HS6ST3: variants seen among roughly 807,000 people sequenced by gnomAD.
HS6ST3 encodes heparan sulfate 6-O-sulfotransferase 3.
A neutral mutation model predicts 36.7 loss-of-function variants in HS6ST3; 12 were observed. The ratio of observed to expected loss-of-function variants is 0.33; its 90% confidence interval spans 0.21 to 0.53. HS6ST3 has a LOEUF of 0.53. Among genes scored for constraint, HS6ST3 ranks in the 20% least tolerant of loss-of-function variants. The pLI is 0.95. For synonymous variants in HS6ST3, 240 were observed against 257.5 expected (o/e 0.93, Z 0.65); for missense variants, 584 against 640.9 (o/e 0.91, Z 0.96).
intron 1 of HS6ST3, among the ~76,000 whole-genome samples, chr13:96,435,395 T>C (rs73554583): frequency 0.014 from 2,199 of 152,266 alleles, 67 homozygotes; most frequent in African/African-American, 0.05. Flanking sequence ...CCATGAAATG[T>C]GTCTTCAGTT....
chr13:96,355,855 T>C (rs568663758), intron 1 of HS6ST3, among the ~76,000 whole-genome samples: 1 of 151,592 alleles, frequency 6.6e-6, no homozygotes, highest in Admixed American at 6.6e-5. Flanking sequence ...AGAACTTCTT[T>C]CAAAACTGGA....
chr13:96,483,830 G>T (rs889366726), intron 1 of HS6ST3, among the ~76,000 whole-genome samples: 6 of 152,074 alleles, frequency 3.9e-5, no homozygotes, highest in African/African-American at 1.2e-4. Flanking sequence ...CAAACCCAAG[G>T]TCATCTAGGT....
intron 1 of HS6ST3, among the ~76,000 whole-genome samples, chr13:96,157,813 G>A (rs1231090588): frequency 7.2e-5 from 11 of 152,140 alleles, no homozygotes; most frequent in Non-Finnish European, 1.5e-5. Flanking sequence ...TTTCGAATGC[G>A]GATTCTATAT....
chr13:96,700,380 A>T (rs1875252970), intron 1 of HS6ST3, among the ~76,000 whole-genome samples: 1 of 152,140 alleles, frequency 6.6e-6, no homozygotes, highest in Admixed American at 6.5e-5. Flanking sequence ...ATCTCCCACC[A>T]GGTCCCTCCC....
chr13:96,209,913 T>A (rs2054390337), intron 1 of HS6ST3, among the ~76,000 whole-genome samples: 1 of 152,204 alleles, frequency 6.6e-6, no homozygotes, highest in South Asian at 2.1e-4. Context: ...CTTTGTCTAA[T>A]TATCACTGTC....
intron 1 of HS6ST3, among the ~76,000 whole-genome samples, chr13:96,637,295 G>A (rs1027994677): frequency 3.2e-4 from 48 of 152,070 alleles, no homozygotes; most frequent in African/African-American, 1.1e-3. Context: ...TATGTAAGGA[G>A]CATTTGTTAA....
chr13:96,132,967 A>G (rs1312480551), intron 1 of HS6ST3, among the ~76,000 whole-genome samples: 2 of 151,378 alleles, frequency 1.3e-5, no homozygotes, highest in Non-Finnish European at 2.9e-5. Flanking sequence ...TTTTTTTTTA[A>G]TCGGGTTATT....
At chr13:96,261,635 TC>T (rs963882947) in intron 1 of HS6ST3, among the ~76,000 whole-genome samples, 4 of 152,162 alleles carry the variant, frequency 2.6e-5, no homozygotes, top group Non-Finnish European at 5.9e-5. Context: ...TTTGCATGAG[TC>T]ACTCAATCTG....
intron 1 of HS6ST3, among the ~76,000 whole-genome samples, chr13:96,486,819 A>G (rs1239475595): frequency 2.0e-5 from 3 of 152,148 alleles, no homozygotes; most frequent in Admixed American, 2.0e-4. Context: ...AACAGCCTTG[A>G]TGTGACCTAT....
At chr13:96,781,492 G>A (rs1471053288) in intron 1 of HS6ST3, among the ~76,000 whole-genome samples, 2 of 152,220 alleles carry the variant, frequency 1.3e-5, no homozygotes, top group African/African-American at 4.8e-5. Context: ...AAAAGCTGTA[G>A]TGTATTCATG....
chr13:96,376,485 C>G (rs1037876935), intron 1 of HS6ST3, among the ~76,000 whole-genome samples: 1 of 152,132 alleles, frequency 6.6e-6, no homozygotes, highest in Non-Finnish European at 1.5e-5. Flanking sequence ...GTCATATTCT[C>G]TAAGTGGATT....
chr13:96,695,899 T>C (rs978062181), intron 1 of HS6ST3, among the ~76,000 whole-genome samples: 1 of 152,190 alleles, frequency 6.6e-6, no homozygotes, highest in Non-Finnish European at 1.5e-5. Context: ...GAATCAGGCC[T>C]TCTGAATCCA....
chr13:96,133,938 T>G (rs1035061814), intron 1 of HS6ST3, among the ~76,000 whole-genome samples: 14 of 152,070 alleles, frequency 9.2e-5, no homozygotes, highest in Admixed American at 9.2e-4. Flanking sequence ...AAACATGTAA[T>G]CCATTTTGAG....
intron 1 of HS6ST3, among the ~76,000 whole-genome samples, chr13:96,817,225 G>A (rs771395205): frequency 2.0e-5 from 3 of 152,142 alleles, no homozygotes; most frequent in Non-Finnish European, 2.9e-5. Flanking sequence ...AAAATCCATC[G>A]GAGGTCAATG....
intron 1 of HS6ST3, among the ~76,000 whole-genome samples, chr13:96,315,537 CA>C (rs2054964312): frequency 6.6e-6 from 1 of 151,824 alleles, no homozygotes; most frequent in African/African-American, 2.4e-5. Flanking sequence ...AAAAAACTAA[CA>C]ATTTTTTCCT....
chr13:96,302,200 C>G (rs1866629691), intron 1 of HS6ST3, among the ~76,000 whole-genome samples: 1 of 152,042 alleles, frequency 6.6e-6, no homozygotes, highest in Non-Finnish European at 1.5e-5. Context: ...CTCTATTTGA[C>G]TACCAACTCC....
rs76883353 is a variant in HS6ST3 at position 96,606,275 on chromosome 13, G to A, written c.708-226215G>A. On this transcript the variant is annotated intron_variant, in intron 1 of 1. Coordinates refer to ENST00000376705, the MANE Select transcript of HS6ST3 (RefSeq NM_153456.4). ...ACCAAAAAGACACATGCACTCGTAT[G>A]TTATTTGAAGCACTTTTCACACTAA... Among the ~76,000 whole-genome samples the A allele has an allele frequency of 9.3e-3, 1,416 of 152,212 alleles. 26 individuals carry two copies. Among genetic ancestry groups the A allele is most frequent in the African/African-American group, 0.032 (1,319 of 41,526 alleles).
Position 96,378,865 on chromosome 13 carries a change from A to C in HS6ST3, c.707+287296A>C, listed in dbSNP as rs187622745. 2.6e-5 allele frequency among the ~76,000 whole-genome samples: 4 copies of C among 152,276 alleles called. No individual in the cohort carries two copies. In the East Asian group the frequency reaches 7.7e-4, roughly 29 times the overall value. On this transcript the variant is annotated intron_variant, in intron 1 of 1. Transcript: ENST00000376705. ...TGGCAGTATCCCTGCTGGGTTTCAC[A>C]AACTTGATGAATAATCAGAAACTCT...
At chr13:96,186,717 C>G (rs1358252947) in intron 1 of HS6ST3, among the ~76,000 whole-genome samples, 1 of 152,168 alleles carries the variant, frequency 6.6e-6, no homozygotes, top group Non-Finnish European at 1.5e-5. Context: ...TGACATTTTT[C>G]CCCTGAATGT....
Sources: gnomAD v4.1 joint callset for allele counts (sites outside exome capture counted in the v4.1 genomes callset) on GRCh38, gnomAD v4.1.1 for gene constraint, MANE v1.5 for transcripts, NCBI Gene and HGNC (gene_info 2026-07-23, HGNC 2026-07-21) for gene names.